Variants in MACROD2 observed in about 807,000 individuals in gnomAD.
The protein encoded by MACROD2 is mono-ADP ribosylhydrolase 2.
In MACROD2, 36 loss-of-function variants were observed where a neutral mutation model predicts 70.4. The ratio of observed to expected loss-of-function variants is 0.51; its 90% CI spans 0.39 to 0.68. MACROD2 has a LOEUF of 0.68. MACROD2 is among the 30% of genes least tolerant of loss of function. MACROD2 has a pLI of 0.00. For missense variants in MACROD2, 496 were observed against 538.4 expected, an observed-to-expected ratio of 0.92 and a Z score of 0.78; for synonymous variants, 172 against 178.8, an observed-to-expected ratio of 0.96 and a Z score of 0.30.
At chr20:15,875,355 A>G (rs1195495590) in intron 9 of MACROD2, among the ~76,000 whole-genome samples, 1 of 152,166 alleles carries the variant, frequency 6.6e-6, no homozygotes, top group Non-Finnish European at 1.5e-5. Flanking sequence ...GAAAAACTAG[A>G]GTAAAAGAAT....
intron 5 of MACROD2, among the ~76,000 whole-genome samples, chr20:14,890,758 G>GAA (rs200756372): frequency 1.7e-4 from 23 of 135,998 alleles, no homozygotes; most frequent in South Asian, 7.0e-4. Context: ...TCCAAAAACA[G>GAA]AAAAAAAAAA....
intron 4 of MACROD2, chr20:14,547,234 C>A: frequency 1.7e-6 from 1 of 580,758 alleles, no homozygotes; most frequent in South Asian, 5.3e-5. Context: ...TGGCTCCATG[C>A]AGGAGGGACA....
chr20:15,156,172 G>A (rs1177382607), intron 5 of MACROD2, among the ~76,000 whole-genome samples: 4 of 152,088 alleles, frequency 2.6e-5, no homozygotes, highest in Non-Finnish European at 5.9e-5. Flanking sequence ...AGAAGTGATG[G>A]CAAGGATGTG....
At chr20:15,821,916 G>A (rs138800423) in intron 8 of MACROD2, among the ~76,000 whole-genome samples, 244 of 152,186 alleles carry the variant, frequency 1.6e-3, no homozygotes, top group African/African-American at 5.7e-3. Context: ...TGTGAAAACT[G>A]CATTATTTTA....
intron 5 of MACROD2, among the ~76,000 whole-genome samples, chr20:14,902,824 A>G (rs1009443072): frequency 1.3e-5 from 2 of 152,124 alleles, no homozygotes; most frequent in African/African-American, 4.8e-5. Context: ...CACATGAGGG[A>G]AACAGATCAC....
intron 3 of MACROD2, among the ~76,000 whole-genome samples, chr20:14,331,998 G>A (rs949371057): frequency 2.0e-5 from 3 of 151,940 alleles, no homozygotes; most frequent in Non-Finnish European, 1.5e-5. Context: ...CTGTTAATGG[G>A]GTAACTTGGG....
At position 13,995,819 on chromosome 20, in the gene MACROD2, C is replaced by T; in HGVS notation, c.46+10C>T. 6.4e-7 allele frequency: 1 copy of T among 1,574,090 alleles called. No individual in the cohort carries two copies. The highest frequency in any genetic ancestry group is 8.6e-7 in the Non-Finnish European group (1 of 1,156,528). On this transcript the variant is annotated intron_variant, in intron 1 of 17. Coordinates refer to ENST00000684519, the MANE Select transcript of MACROD2 (RefSeq NM_001351661.2). This position sits in a 1 kb window ranked among gnomAD's most constrained non-coding sequence, Gnocchi z 4.3. ...TGGAGAGAGGAGAAAGGTAACCGGC[C>T]CGTCGAGTCCTGGGGGTGCGGGCGG...
intron 5 of MACROD2, among the ~76,000 whole-genome samples, chr20:14,864,016 T>A (rs2073400914): frequency 6.6e-6 from 1 of 152,142 alleles, no homozygotes; most frequent in African/African-American, 2.4e-5. Flanking sequence ...GGGGCCATAC[T>A]ACATGATGTA....
Position 15,885,785 on chromosome 20 carries a change from A to G in MACROD2, c.749A>G (p.Glu250Gly). 6.7e-7 allele frequency: 1 copy of G among 1,495,564 alleles called. No homozygotes were observed. Among genetic ancestry groups the G allele is most frequent in the South Asian group, 1.3e-5 (1 of 76,080 alleles). 92.6% of individuals were successfully genotyped at this position (1,495,564 alleles called of 1,614,324 possible). ...FSVDDNNEEE[E>G]DVEMKEDSDE... ...ACAGACGATAATAATGAAGAAGAAG[A>G]GGATGTTGAAATGAAAGAAGATTCA... The change falls in exon 10 of 18, where the codon GAG becomes GGG. Residue 250 changes from glutamate (E) to glycine (G), a missense_variant. Coordinates refer to ENST00000684519, the MANE Select transcript of MACROD2 (RefSeq NM_001351661.2).
At chr20:14,193,309 A>C (rs2081403023) in intron 3 of MACROD2, among the ~76,000 whole-genome samples, 1 of 152,206 alleles carries the variant, frequency 6.6e-6, no homozygotes, top group Admixed American at 6.5e-5. Flanking sequence ...TGTATTGTGG[A>C]TGTATAAACC....
intron 8 of MACROD2, among the ~76,000 whole-genome samples, chr20:15,646,003 C>A (rs914551326): frequency 6.6e-6 from 1 of 152,068 alleles, no homozygotes; most frequent in Non-Finnish European, 1.5e-5. Flanking sequence ...GACTGGTATT[C>A]TCTTGTAGTC....
chr20:16,017,761 A>G (rs980113814), intron 15 of MACROD2, among the ~76,000 whole-genome samples: 3 of 152,198 alleles, frequency 2.0e-5, no homozygotes, highest in Non-Finnish European at 4.4e-5. Context: ...TCTACCACAT[A>G]TTGCCAGAGG....
intron 2 of MACROD2, among the ~76,000 whole-genome samples, chr20:14,066,097 T>C (rs1319980855): frequency 6.6e-6 from 1 of 152,228 alleles, no homozygotes; most frequent in Non-Finnish European, 1.5e-5. Context: ...TGTTTAGATT[T>C]AGGTATCTAC....
At chr20:15,052,286 A>C (rs1015818463) in intron 5 of MACROD2, among the ~76,000 whole-genome samples, 2 of 152,142 alleles carry the variant, frequency 1.3e-5, no homozygotes, top group African/African-American at 4.8e-5. Flanking sequence ...TGGGTGGCAT[A>C]TACAGGCATC....
At chr20:15,440,725 A>G (rs746788470) in intron 7 of MACROD2, among the ~76,000 whole-genome samples, 1 of 152,148 alleles carries the variant, frequency 6.6e-6, no homozygotes, top group Non-Finnish European at 1.5e-5. Context: ...TCTCTTATGT[A>G]ATGCATTGGG....
chr20:14,092,787 T>C (rs984853197), intron 3 of MACROD2, among the ~76,000 whole-genome samples: 8 of 152,236 alleles, frequency 5.3e-5, no homozygotes, highest in Non-Finnish European at 1.0e-4. Context: ...ATGTACTTGG[T>C]ATAGTTTAGC....
intron 3 of MACROD2, chr20:14,327,521 A>G (rs1472370232): frequency 6.3e-7 from 1 of 1,597,578 alleles, no homozygotes; most frequent in South Asian, 1.1e-5. Context: ...AGCAGTGTTG[A>G]GGTCTTTATA....
At chr20:15,772,856 TA>T (rs1174306551) in intron 8 of MACROD2, among the ~76,000 whole-genome samples, 1 of 152,028 alleles carries the variant, frequency 6.6e-6, no homozygotes, top group African/African-American at 2.4e-5. Flanking sequence ...AATAAATTTA[TA>T]AAAAGAAATT....
intron 3 of MACROD2, among the ~76,000 whole-genome samples, chr20:14,417,549 A>G (rs1461435672): frequency 2.0e-5 from 3 of 152,160 alleles, no homozygotes; most frequent in Non-Finnish European, 4.4e-5. Context: ...TTGGTTACTC[A>G]TAGGGGAGAT....
Sources: allele counts gnomAD v4.1 joint callset (sites outside exome capture counted in the v4.1 genomes callset), GRCh38; gene constraint gnomAD v4.1.1; non-coding constraint Gnocchi (gnomAD v3.1); transcripts MANE v1.5; gene names NCBI Gene and HGNC (gene_info 2026-07-23, HGNC 2026-07-21).